Variants in NTRK2 observed in about 807,000 individuals in gnomAD.
The protein encoded by NTRK2 is neurotrophic receptor tyrosine kinase 2.
Under a neutral mutation model 94.5 loss-of-function variants are expected in NTRK2, and 13 were observed. That is an observed-to-expected ratio of 0.14 (90% CI 0.09 to 0.22). NTRK2 has a LOEUF of 0.22. Among genes scored for constraint, NTRK2 ranks in the 10% least tolerant of loss-of-function variants. The pLI, the probability that NTRK2 is intolerant of heterozygous loss-of-function variation, is 1.00. For missense variants in NTRK2, 639 were observed against 1,071.2 expected (o/e 0.60, Z 5.63); for synonymous variants, 372 against 407.4 (o/e 0.91, Z 1.05).
intron 9 of NTRK2, among the ~76,000 whole-genome samples, chr9:84,738,364 T>C (rs1461089364): frequency 6.8e-6 from 1 of 147,986 alleles, no homozygotes; most frequent in African/African-American, 2.7e-5. Context: ...CTTTTAGTCC[T>C]GAATATCTCC....
In NTRK2 at chr9:84,973,245, G is replaced by T. The variant is rs544770662; in HGVS notation, c.2172+17728G>T. ...GAGAAAAAGGGGAAAATGGTAAGCA[G>T]ATCAGAGAAACCCAGAGAACATTTG... On this transcript the variant is annotated intron_variant, in intron 17 of 18. Transcript: ENST00000277120. 2.0e-5 allele frequency among the ~76,000 whole-genome samples: 3 copies of T among 152,294 alleles called. No homozygotes were observed. In the South Asian group the frequency reaches 6.2e-4, roughly 32 times the overall value.
intron 12 of NTRK2, among the ~76,000 whole-genome samples, chr9:84,763,293 A>T (rs1265299901): frequency 6.6e-6 from 1 of 152,038 alleles, no homozygotes; most frequent in African/African-American, 2.4e-5. Flanking sequence ...CTTAACCCTC[A>T]TACTTGACCT....
chr9:84,729,530 A>G (rs781775338), intron 9 of NTRK2, among the ~76,000 whole-genome samples: 2 of 152,224 alleles, frequency 1.3e-5, no homozygotes, highest in African/African-American at 2.4e-5. Flanking sequence ...TTGTTCTTAC[A>G]TAAACTTTTT....
rs950124126 is a variant in NTRK2, at chr9:84,972,481, A to G, written c.2172+16964A>G. 8.5e-5 allele frequency among the ~76,000 whole-genome samples: 13 copies of G among 152,310 alleles called. No individual in the cohort carries two copies. In the East Asian group the frequency reaches 1.5e-3, roughly 18 times the overall value. On this transcript the variant is annotated intron_variant, in intron 17 of 18. Coordinates refer to ENST00000277120, the MANE Select transcript of NTRK2 (RefSeq NM_006180.6). ...CTGGTTTTGTAAACAGTTGATTTCA[A>G]TTTCATCTCTTTATGTGTACTATAA...
At chr9:84,822,557 G>A (rs180784089) in intron 12 of NTRK2, among the ~76,000 whole-genome samples, 2 of 152,294 alleles carry the variant, frequency 1.3e-5, no homozygotes, top group East Asian at 1.9e-4. Context: ...AAGGGAATCC[G>A]AGAGCAAGGA....
intron 9 of NTRK2, among the ~76,000 whole-genome samples, chr9:84,728,992 G>A (rs535975308): frequency 1.1e-4 from 16 of 152,298 alleles, no homozygotes; most frequent in Admixed American, 9.8e-4. Flanking sequence ...GAGTAGCTCT[G>A]AGTCAGTCAA....
chr9:84,877,966 T>C, intron 14 of NTRK2: 22 of 1,006,838 alleles, frequency 2.2e-5, no homozygotes, highest in Non-Finnish European at 2.5e-5. Context: ...AGAATATAAT[T>C]CAACATTGGG....
chr9:84,702,479 C>T (rs1027153245), intron 4 of NTRK2, 60 bp downstream of exon 4: 3 of 1,410,584 alleles, frequency 2.1e-6, no homozygotes, highest in Middle Eastern at 1.8e-4. Flanking sequence ...TTTCCCCCCT[C>T]TGTTTATTTT....
At chr9:84,700,382 C>A (rs1011202083) in intron 2 of NTRK2, among the ~76,000 whole-genome samples, 1 of 152,062 alleles carries the variant, frequency 6.6e-6, no homozygotes. Flanking sequence ...TAAAATGTTT[C>A]TTTCTTCTAT....
At chr9:84,997,453 A>C (rs1156395720) in intron 17 of NTRK2, among the ~76,000 whole-genome samples, 1 of 152,210 alleles carries the variant, frequency 6.6e-6, no homozygotes, top group Non-Finnish European at 1.5e-5. Context: ...CAGGTATCTT[A>C]GGAAGTCTAG....
At chr9:84,672,768 C>T (rs1368743640) in intron 2 of NTRK2, among the ~76,000 whole-genome samples, 5 of 152,120 alleles carry the variant, frequency 3.3e-5, no homozygotes, top group African/African-American at 4.8e-5. Flanking sequence ...TTATTTCAGA[C>T]CTTCCTGATC....
chr9:84,988,023 A>G lies in NTRK2; in HGVS notation c.2173-32183A>G, dbSNP rs145410300. On this transcript the variant is annotated intron_variant, in intron 17 of 18. Coordinates refer to ENST00000277120, the MANE Select transcript of NTRK2 (RefSeq NM_006180.6). ...TAGCCCCCATGGGGCTCTGCAGGGG[A>G]CACAGATTTGCACCAATAGATATAG... Among the ~76,000 whole-genome samples the G allele has an allele frequency of 3.5e-3, 537 of 152,352 alleles. 3 individuals are homozygous for G. The highest frequency in any genetic ancestry group is 0.012 in the African/African-American group (517 of 41,580).
intron 12 of NTRK2, among the ~76,000 whole-genome samples, chr9:84,797,501 CAT>C (rs1222111711): frequency 8.3e-6 from 1 of 120,190 alleles, no homozygotes; most frequent in Non-Finnish European, 1.6e-5. Context: ...AGTAAAGTAA[CAT>C]AATAATTACT....
chr9:84,821,614 G>A (rs2131583667), intron 12 of NTRK2, among the ~76,000 whole-genome samples: 1 of 152,308 alleles, frequency 6.6e-6, no homozygotes, highest in African/African-American at 2.4e-5. Flanking sequence ...TAAGGATTGA[G>A]TGGATTTCAA....
At chr9:84,912,611 CTT>C (rs1212242779) in intron 14 of NTRK2, among the ~76,000 whole-genome samples, 1,865 of 94,968 alleles carry the variant, frequency 0.02, 5 homozygotes, top group Non-Finnish European at 0.027. Flanking sequence ...TTTGACTTGC[CTT>C]TTTTTTTTTT....
chr9:84,949,324 A>T (rs1248435505), intron 16 of NTRK2, among the ~76,000 whole-genome samples: 1 of 152,178 alleles, frequency 6.6e-6, no homozygotes, highest in East Asian at 1.9e-4. Flanking sequence ...GTTTTGTGGG[A>T]TGTGGGGTCT....
chr9:84,946,443 C>G (rs529033370), intron 15 of NTRK2, among the ~76,000 whole-genome samples: 1 of 152,344 alleles, frequency 6.6e-6, no homozygotes, highest in Admixed American at 6.5e-5. Flanking sequence ...AAGAAGCTCA[C>G]AGCCTGTACC....
At chr9:84,974,100 GTTTA>G (rs1436006103) in intron 17 of NTRK2, among the ~76,000 whole-genome samples, 25 of 152,154 alleles carry the variant, frequency 1.6e-4, no homozygotes, top group Non-Finnish European at 2.9e-4. Context: ...TAGAGAAGAA[GTTTA>G]TTTATTAGCC....
chr9:84,670,669 G>C lies in NTRK2; in HGVS notation c.-80G>C, dbSNP rs2058641835. 1 of 1,434,144 alleles carries C rather than the reference G, an allele frequency of 7.0e-7. No homozygotes were observed. 88.8% of individuals were successfully genotyped at this position (1,434,144 alleles called of 1,614,324 possible). A position where few individuals can be genotyped will look rare whatever the true frequency, so the allele number is the denominator to read the frequency against. Reference sequence around the variant, plus strand: ...GAGTTAAGAGAGCCGCAAGCGCAGGGAAGGCCTCCCCGCACGGGTGGGGGA... The same window carrying C: ...GAGTTAAGAGAGCCGCAAGCGCAGGCAAGGCCTCCCCGCACGGGTGGGGGA... On this transcript the variant is annotated 5_prime_UTR_variant, in exon 2 of 19. Transcript: ENST00000277120.
Sources: allele counts gnomAD v4.1 joint callset (sites outside exome capture counted in the v4.1 genomes callset), GRCh38; gene constraint gnomAD v4.1.1; transcripts MANE v1.5; gene names NCBI Gene and HGNC (gene_info 2026-07-23, HGNC 2026-07-21).